Variants in ATP1B1 observed in about 807,000 individuals in gnomAD.
The protein encoded by ATP1B1 is ATPase Na+/K+ transporting subunit beta 1.
Under a neutral mutation model 39.6 loss-of-function variants are expected in ATP1B1, and 3 were observed. That is an observed-to-expected ratio of 0.08 (90% confidence interval 0.03 to 0.20). The LOEUF (loss-of-function observed/expected upper bound fraction) is 0.20, where lower values mean the gene tolerates loss of function less well. Ranked by LOEUF, ATP1B1 falls within the 10% of genes least tolerant of loss-of-function variation. ATP1B1 has a pLI of 1.00. For missense variants in ATP1B1, 216 were observed against 371.1 expected (o/e 0.58, Z 3.43); for synonymous variants, 139 against 135.0 (o/e 1.03, Z -0.20).
chr1:169,131,769 A>AAAG lies in ATP1B1; in HGVS notation c.*217_*219dup, dbSNP rs1326591903. On this transcript the variant is annotated 3_prime_UTR_variant, in exon 6 of 6. Coordinates refer to ENST00000367815, the MANE Select transcript of ATP1B1 (RefSeq NM_001677.4). This position sits in a 1 kb window ranked among gnomAD's most constrained non-coding sequence, Gnocchi z 4.4. ...TATTCTACTGTAAATGACAAAAGAA[A>AAAG]AAGAAAAATTGAGCCTTGGGACGTG... The AAAG allele has an allele frequency of 1.6e-6, 1 of 643,894 alleles. No homozygotes were observed. The highest frequency in any genetic ancestry group is 2.5e-6 in the Non-Finnish European group (1 of 403,366). 39.9% of individuals were successfully genotyped at this position (643,894 alleles called of 1,614,324 possible). A position where few individuals can be genotyped will look rare whatever the true frequency, so the allele number is the denominator to read the frequency against.
At chr1:169,125,779 A>G (rs562425361) in intron 3 of ATP1B1, among the ~76,000 whole-genome samples, 1 of 152,088 alleles carries the variant, frequency 6.6e-6, no homozygotes, top group Non-Finnish European at 1.5e-5. Flanking sequence ...TTCGAGACCA[A>G]CCTGGGCAAC....
At chr1:169,119,223 T>C (rs1657919776) in intron 2 of ATP1B1, among the ~76,000 whole-genome samples, 1 of 152,228 alleles carries the variant, frequency 6.6e-6, no homozygotes, top group Non-Finnish European at 1.5e-5. Flanking sequence ...GAAATACTCA[T>C]TGAAAACCAA....
In ATP1B1 at chr1:169,111,453, A is replaced by G. The variant is rs1205535831; in HGVS notation, c.181A>G (p.Ile61Val). Residue 61 changes from isoleucine to valine, a missense_variant, in exon 2 of 6, where the codon ATC (isoleucine) becomes GTC (valine). Ile to Val is a conservative substitution (Grantham distance 29). Transcript: ENST00000367815. ...IGTIQVMLLT[I>V]SEFKPTYQDR... ...AACCATCCAAGTGATGCTGCTCACCATCAGTGAATTTAAGCCCACATATCA... is the reference window on the plus strand; with the variant it reads ...AACCATCCAAGTGATGCTGCTCACCGTCAGTGAATTTAAGCCCACATATCA... 1 of 1,614,230 alleles carries G rather than the reference A, an allele frequency of 6.2e-7. No individual in the cohort carries two copies. The highest frequency in any genetic ancestry group is 1.1e-5 in the South Asian group (1 of 91,078).
intron 1 of ATP1B1, among the ~76,000 whole-genome samples, chr1:169,107,646 T>TA (rs1256794076): frequency 6.6e-6 from 1 of 152,190 alleles, no homozygotes; most frequent in Non-Finnish European, 1.5e-5. Flanking sequence ...GAAGGGAATA[T>TA]AAACGCAGAG....
intron 1 of ATP1B1, among the ~76,000 whole-genome samples, chr1:169,107,287 T>TA (rs111233418): frequency 3.6e-4 from 54 of 149,522 alleles, no homozygotes; most frequent in African/African-American, 5.9e-4. Context: ...CCTGAGTCCT[T>TA]AAAAAAAAAA....
intron 2 of ATP1B1, 38 bp downstream of exon 2, chr1:169,111,536 TAGC>T: frequency 6.3e-7 from 1 of 1,598,106 alleles, no homozygotes; most frequent in Non-Finnish European, 8.5e-7. Flanking sequence ...CCTTCAGAGA[TAGC>T]ATGGGTGTCA....
intron 2 of ATP1B1, among the ~76,000 whole-genome samples, chr1:169,120,876 T>C (rs1657966458): frequency 6.6e-6 from 1 of 152,220 alleles, no homozygotes; most frequent in Non-Finnish European, 1.5e-5. Context: ...TACCACTTCA[T>C]GTAACAGTAA....
At chr1:169,127,434 T>C in intron 4 of ATP1B1, 26 bp downstream of exon 4, 1 of 1,587,358 alleles carries the variant, frequency 6.3e-7, no homozygotes, top group Non-Finnish European at 8.6e-7. Context: ...AATGATAGAA[T>C]TTAGATGAGT....
intron 2 of ATP1B1, among the ~76,000 whole-genome samples, chr1:169,119,133 A>AC (rs1161282059): frequency 6.6e-6 from 1 of 152,214 alleles, no homozygotes; most frequent in Admixed American, 6.5e-5. Flanking sequence ...AGAGATGGGG[A>AC]CCAAAGGCAG....
At chr1:169,128,655 T>G (rs1169246925) in intron 4 of ATP1B1, among the ~76,000 whole-genome samples, 3 of 152,234 alleles carry the variant, frequency 2.0e-5, no homozygotes, top group Admixed American at 2.0e-4. Context: ...TGGGGAATAC[T>G]TCACTGAGAT....
chr1:169,132,030 T>G lies in ATP1B1; in HGVS notation c.*475T>G. The G allele has an allele frequency of 1.6e-5, 4 of 253,998 alleles. No individual in the cohort carries two copies. The highest frequency in any genetic ancestry group is 1.2e-4 in the South Asian group (3 of 24,772). 15.7% of individuals were successfully genotyped at this position (253,998 alleles called of 1,614,324 possible). On this transcript the variant is annotated 3_prime_UTR_variant, in exon 6 of 6. Coordinates refer to ENST00000367815, the MANE Select transcript of ATP1B1 (RefSeq NM_001677.4). Reference sequence around the variant, plus strand: ...AAACTGGCATGGTAATTTTTTTTTTTTTTTTTTTTTTGTTTTTTGGCTCTT... The same window carrying G: ...AAACTGGCATGGTAATTTTTTTTTTGTTTTTTTTTTTGTTTTTTGGCTCTT...
intron 5 of ATP1B1, among the ~76,000 whole-genome samples, chr1:169,130,506 T>C (rs956641185): frequency 6.6e-6 from 1 of 152,078 alleles, no homozygotes; most frequent in Admixed American, 6.5e-5. Context: ...TATTGAAATA[T>C]CGCCTGGTGC....
intron 2 of ATP1B1, among the ~76,000 whole-genome samples, chr1:169,120,353 A>G (rs1001789050): frequency 6.6e-6 from 1 of 152,164 alleles, no homozygotes; most frequent in Non-Finnish European, 1.5e-5. Flanking sequence ...TCTTAAATGA[A>G]TGGTCATTAA....
rs1397998735 is a variant in ATP1B1 at position 169,106,764 on chromosome 1, G to A, written c.-66G>A. The A allele has an allele frequency of 2.2e-6, 3 of 1,360,118 alleles. No individual in the cohort carries two copies. The highest frequency in any genetic ancestry group is 1.0e-6 in the Non-Finnish European group (1 of 996,344). 84.3% of individuals were successfully genotyped at this position (1,360,118 alleles called of 1,614,324 possible). ...GCCGGAGAAGCCGAGCGGCGCAGAG[G>A]ACGCCAGGGCGCGCGCCGCAGCCAC... On this transcript the variant is annotated 5_prime_UTR_variant, in exon 1 of 6. Coordinates refer to ENST00000367815, the MANE Select transcript of ATP1B1 (RefSeq NM_001677.4).
intron 2 of ATP1B1, among the ~76,000 whole-genome samples, chr1:169,116,656 G>A (rs983616138): frequency 5.3e-5 from 8 of 152,078 alleles, no homozygotes; most frequent in Admixed American, 2.6e-4. Context: ...TTTGAGACCA[G>A]CCTGGCCAAC....
chr1:169,115,343 CTTT>C (rs1266277050), intron 2 of ATP1B1, among the ~76,000 whole-genome samples: 1 of 143,202 alleles, frequency 7.0e-6, no homozygotes, highest in Non-Finnish European at 1.5e-5. Context: ...CTGTTTTTTT[CTTT>C]TTTTCTTTTT....
In ATP1B1 at chr1:169,106,914, G is replaced by A; in HGVS notation, c.85G>A (p.Gly29Ser). ...GAAGAAGGAGTTTCTGGGCAGGACC[G>A]GTGGCAGTTGGTGTAAGTACGGGGT... ...SEKKEFLGRT[G>S]GSWFKILLFY... The change falls in exon 1 of 6, where the codon GGT (glycine) becomes AGT (serine). Residue 29 changes from glycine (G) to serine (S), a missense_variant. Physicochemically the swap from Gly to Ser is moderately conservative, Grantham distance 56. Coordinates refer to ENST00000367815, the MANE Select transcript of ATP1B1 (RefSeq NM_001677.4). The A allele has an allele frequency of 6.3e-7, 1 of 1,577,712 alleles. No individual in the cohort carries two copies. The highest frequency in any genetic ancestry group is 8.6e-7 in the Non-Finnish European group (1 of 1,164,738).
Position 169,131,477 on chromosome 1 carries a change from G to A in ATP1B1, c.834G>A (p.Ala278=), listed in dbSNP as rs143722809. Reference sequence around the variant, plus strand: ...CTGAAATTCGCATAGAGTGTAAGGCGTACGGTGAGAACATTGGGTACAGTG... The same window carrying A: ...CTGAAATTCGCATAGAGTGTAAGGCATACGGTGAGAACATTGGGTACAGTG... The part of the protein sequence containing the change: ...MDTEIRIECK[A]YGENIGYSEK... Residue 278 remains alanine (A), a synonymous_variant, in exon 6 of 6, where the codon GCG becomes GCA. Coordinates refer to ENST00000367815, the MANE Select transcript of ATP1B1 (RefSeq NM_001677.4). The surrounding 1 kb of genome is among the most constrained non-coding windows in gnomAD (Gnocchi z 4.4). 23 of 1,614,158 alleles carry A rather than the reference G, an allele frequency of 1.4e-5. No homozygotes were observed. The highest frequency in any genetic ancestry group is 4.0e-5 in the African/African-American group (3 of 75,030).
intron 1 of ATP1B1, among the ~76,000 whole-genome samples, chr1:169,109,566 A>C (rs1296491635): frequency 6.6e-6 from 1 of 152,184 alleles, no homozygotes; most frequent in African/African-American, 2.4e-5. Context: ...GCAGAATAGA[A>C]AGGCTGTCTG....
Sources: allele counts gnomAD v4.1 joint callset (sites outside exome capture counted in the v4.1 genomes callset), GRCh38; gene constraint gnomAD v4.1.1; non-coding constraint Gnocchi (gnomAD v3.1); transcripts MANE v1.5; gene names NCBI Gene and HGNC (gene_info 2026-07-23, HGNC 2026-07-21).